Variants in PPP1R42 observed in about 807,000 individuals in gnomAD.
The protein encoded by PPP1R42 is protein phosphatase 1 regulatory subunit 42.
A neutral mutation model predicts 31.0 loss-of-function variants in PPP1R42; 34 were observed. That is an observed-to-expected ratio of 1.10 (90% CI 0.83 to 1.46). The LOEUF (loss-of-function observed/expected upper bound fraction) is 1.46, where lower values mean the gene tolerates loss of function less well. Among genes scored for constraint, PPP1R42 ranks in the 40% most tolerant of loss-of-function variants. The probability of loss-of-function intolerance (pLI) is 0.00; values close to 1 mark genes in which losing one functional copy is unlikely to be tolerated. For missense variants in PPP1R42, 268 were observed against 303.0 expected, an observed-to-expected ratio of 0.88 and a Z score of 0.86; for synonymous variants, 103 against 109.8, an observed-to-expected ratio of 0.94 and a Z score of 0.39.
intron 5 of PPP1R42, among the ~76,000 whole-genome samples, chr8:66,996,834 CATT>C (rs1815345972): frequency 1.3e-5 from 2 of 152,146 alleles, no homozygotes; most frequent in South Asian, 4.1e-4. Context: ...TTGTTGAAAA[CATT>C]ATCCTTTCTT....
At chr8:66,984,970 TCAA>T (rs1814960060) in intron 6 of PPP1R42, 1 of 1,553,818 alleles carries the variant, frequency 6.4e-7, no homozygotes. Flanking sequence ...GGCTGGATGT[TCAA>T]CAAGATTTGT....
intron 7 of PPP1R42, among the ~76,000 whole-genome samples, chr8:66,973,579 T>A (rs1019585714): frequency 1.3e-5 from 2 of 152,206 alleles, no homozygotes; most frequent in Non-Finnish European, 2.9e-5. Context: ...GTGCTGAGAT[T>A]ACAGTTGTGA....
In PPP1R42 at chr8:67,017,705, G is replaced by GAAGA. The variant is rs762472564; in HGVS notation, c.42_43insTCTT (p.Leu15SerfsTer3). ...ATGGTTTCTTCTTTTCGGGGTTTAA[G>GAAGA]ATTGCTGTTTCTGGCAATTAGATCC... On this transcript the variant is annotated frameshift_variant, in exon 2 of 8. Coordinates refer to ENST00000685739, the MANE Select transcript of PPP1R42 (RefSeq NM_001364910.1). LOFTEE classifies it high-confidence loss of function. The GAAGA allele has an allele frequency of 6.2e-7, 1 of 1,600,158 alleles. No individual in the cohort carries two copies. Among genetic ancestry groups the GAAGA allele is most frequent in the South Asian group, 1.1e-5 (1 of 87,310 alleles).
chr8:67,008,707 C>CAA (rs764674038), intron 5 of PPP1R42, among the ~76,000 whole-genome samples: 2,520 of 72,168 alleles, frequency 0.035, 69 homozygotes, highest in African/African-American at 0.083. Context: ...GACTCTGTCT[C>CAA]AAAAAAAAAA....
At chr8:66,983,118 G>GA (rs1814894386) in intron 6 of PPP1R42, among the ~76,000 whole-genome samples, 1 of 151,744 alleles carries the variant, frequency 6.6e-6, no homozygotes, top group South Asian at 2.1e-4. Context: ...AAGACATTTG[G>GA]AAAACACACA....
rs909819876 is a variant in PPP1R42 at position 66,982,163 on chromosome 8, C to G, written c.688G>C (p.Glu230Gln). ...SKSLEFLDGK[E>Q]IKNIERQFLM... ...AATTGTCTTTCTATATTTTTAATTT[C>G]TTTTCCATCAAGAAATTCTGGAGAA... The change falls in exon 7 of 8, where the codon GAA becomes CAA. Residue 230 changes from glutamate to glutamine, a missense_variant. Physicochemically the swap from Glu to Gln is conservative, Grantham distance 29 (BLOSUM62 2). Coordinates refer to ENST00000685739, the MANE Select transcript of PPP1R42 (RefSeq NM_001364910.1). 6 of 1,433,362 alleles carry G rather than the reference C, an allele frequency of 4.2e-6. No individual in the cohort carries two copies. The African/African-American group carries it at 8.7e-5, about 21-fold the overall frequency. The allele number at this position is 1,433,362 out of a possible 1,614,324, so 88.8% of individuals were successfully genotyped here.
intron 7 of PPP1R42, among the ~76,000 whole-genome samples, chr8:66,976,758 A>G (rs1197633905): frequency 2.0e-5 from 3 of 152,140 alleles, no homozygotes; most frequent in Non-Finnish European, 4.4e-5. Context: ...TTATAGTTGA[A>G]TAGTATTCCA....
At chr8:67,013,147 C>A in intron 3 of PPP1R42, 51 bp from the exon 4 acceptor site, 3 of 1,447,674 alleles carry the variant, frequency 2.1e-6, no homozygotes, top group Non-Finnish European at 2.8e-6. Context: ...ATGTCATGGT[C>A]TTTATTAAAC....
chr8:66,982,083 G>A lies in PPP1R42; in HGVS notation c.768C>T (p.Ser256=). 1 of 1,491,482 alleles carries A rather than the reference G, an allele frequency of 6.7e-7. No homozygotes were observed. Among genetic ancestry groups the A allele is most frequent in the Non-Finnish European group, 8.8e-7 (1 of 1,130,686 alleles). 92.4% of individuals were successfully genotyped at this position (1,491,482 alleles called of 1,614,324 possible). The change falls in exon 7 of 8, where the codon AGC becomes AGT. Residue 256 remains serine, a synonymous_variant. Coordinates refer to ENST00000685739, the MANE Select transcript of PPP1R42 (RefSeq NM_001364910.1). The part of the protein sequence containing the change: ...KDAKKISKKR[S]SKNEDASNSL... ...AATTGCTTGCATCCTCATTTTTACTGCTCCTTTTTTTGCTGATTTTCTTGG... is the reference window on the plus strand; with the variant it reads ...AATTGCTTGCATCCTCATTTTTACTACTCCTTTTTTTGCTGATTTTCTTGG...
intron 5 of PPP1R42, among the ~76,000 whole-genome samples, chr8:67,005,792 C>T (rs1815655282): frequency 6.6e-6 from 1 of 152,074 alleles, no homozygotes; most frequent in Non-Finnish European, 1.5e-5. Flanking sequence ...CCCAACTTAT[C>T]TCTTTGCTGT....
intron 1 of PPP1R42, among the ~76,000 whole-genome samples, chr8:67,025,544 G>GTTTTTT (rs112945724): frequency 7.1e-6 from 1 of 141,422 alleles, no homozygotes; most frequent in African/African-American, 2.6e-5. Flanking sequence ...CCATCTTAGG[G>GTTTTTT]TTTTTTTTTT....
At chr8:67,010,570 T>C (rs904324611) in intron 5 of PPP1R42, 145 bp downstream of exon 5, 2 of 640,216 alleles carry the variant, frequency 3.1e-6, no homozygotes, top group Non-Finnish European at 5.4e-6. Context: ...CATAAATACA[T>C]TGAGAAGTAG....
intron 7 of PPP1R42, among the ~76,000 whole-genome samples, chr8:66,968,831 G>A (rs950521013): frequency 1.3e-5 from 2 of 152,078 alleles, no homozygotes; most frequent in Non-Finnish European, 2.9e-5. Context: ...GCATACCTAA[G>A]GTGAAAGTAT....
intron 7 of PPP1R42, among the ~76,000 whole-genome samples, chr8:66,966,227 T>C (rs1814376299): frequency 6.6e-6 from 1 of 152,236 alleles, no homozygotes; most frequent in South Asian, 2.1e-4. Context: ...GTTGGGCATG[T>C]GCTTACCAGT....
At chr8:67,003,385 G>A (rs1231946524) in intron 5 of PPP1R42, among the ~76,000 whole-genome samples, 1 of 74,626 alleles carries the variant, frequency 1.3e-5, no homozygotes, top group African/African-American at 5.3e-5. Context: ...ACATTTTCAT[G>A]CTTCTTTTTT....
rs187734981 is a variant in PPP1R42, at chr8:66,981,066, T to G, written c.802+983A>C. ...CGTGTTGACCAGGATGGTCTTGAAC[T>G]CCTGACCTCATGTGATCTGCCTGTC... On this transcript the variant is annotated intron_variant, in intron 7 of 7. Transcript: ENST00000685739. 7.7e-4 allele frequency among the ~76,000 whole-genome samples: 118 copies of G among 152,264 alleles called. 1 individual carries two copies. Among genetic ancestry groups the G allele is most frequent in the African/African-American group, 2.7e-3 (111 of 41,544 alleles).
intron 5 of PPP1R42, among the ~76,000 whole-genome samples, chr8:66,990,891 A>T (rs979127813): frequency 1.3e-5 from 2 of 152,172 alleles, no homozygotes; most frequent in African/African-American, 2.4e-5. Context: ...GCTTGTCAGG[A>T]TCAATATTGA....
chr8:66,975,340 C>G (rs367734397), intron 7 of PPP1R42, among the ~76,000 whole-genome samples: 6 of 152,164 alleles, frequency 3.9e-5, no homozygotes, highest in African/African-American at 1.4e-4. Flanking sequence ...GCTAATTTAT[C>G]TATATGACTT....
chr8:66,964,798 A>T (rs1814336267), intron 7 of PPP1R42, among the ~76,000 whole-genome samples: 1 of 152,154 alleles, frequency 6.6e-6, no homozygotes, highest in Admixed American at 6.5e-5. Flanking sequence ...TTACATAGTT[A>T]AGTTCACCCT....
Sources: gnomAD v4.1 joint callset for allele counts (sites outside exome capture counted in the v4.1 genomes callset) on GRCh38, gnomAD v4.1.1 for gene constraint, MANE v1.5 for transcripts, NCBI Gene and HGNC (gene_info 2026-07-23, HGNC 2026-07-21) for gene names.